GFOD2: variants seen among roughly 807,000 people sequenced by gnomAD.
GFOD2 encodes Gfo/Idh/MocA-like oxidoreductase domain containing 2.
In GFOD2, 9 loss-of-function variants were observed where a neutral mutation model predicts 24.6. That is an observed-to-expected ratio of 0.37 (90% CI 0.22 to 0.64). GFOD2 has a LOEUF of 0.64. Ranked by LOEUF, GFOD2 falls within the 30% of genes least tolerant of loss-of-function variation. The probability of loss-of-function intolerance (pLI) is 0.65; values close to 1 mark genes in which losing one functional copy is unlikely to be tolerated. For missense variants in GFOD2, 476 were observed against 532.5 expected, an observed-to-expected ratio of 0.89 and a Z score of 1.04; for synonymous variants, 211 against 224.8, an observed-to-expected ratio of 0.94 and a Z score of 0.55.
At chr16:67,715,134 C>T (rs1360613812) in intron 1 of GFOD2, among the ~76,000 whole-genome samples, 1 of 152,060 alleles carries the variant, frequency 6.6e-6, no homozygotes, top group Non-Finnish European at 1.5e-5. Flanking sequence ...TCTTGGCTTA[C>T]TGCAACCTCT....
At chr16:67,707,997 G>A (rs1253321277) in intron 1 of GFOD2, among the ~76,000 whole-genome samples, 4 of 152,096 alleles carry the variant, frequency 2.6e-5, no homozygotes, top group Admixed American at 6.6e-5. Context: ...TGGCGGTGGT[G>A]GCTGAGGCGG....
chr16:67,694,198 T>C lies in GFOD2; in HGVS notation c.-87-8396A>G, dbSNP rs1055767901. 3.9e-5 allele frequency among the ~76,000 whole-genome samples: 6 copies of C among 152,166 alleles called. No individual in the cohort carries two copies. The South Asian group carries it at 6.2e-4, about 16-fold the overall frequency. On this transcript the variant is annotated intron_variant, in intron 1 of 2. Coordinates refer to ENST00000268797, the MANE Select transcript of GFOD2 (RefSeq NM_030819.4). ...TTTTAGTAGAGACAGGGTTTCACCA[T>C]GTTCGCCAGGCTGGTCTCAAACTCC... is the stretch of plus-strand genomic sequence containing the variant.
chr16:67,706,615 A>G (rs1009307247), intron 1 of GFOD2, among the ~76,000 whole-genome samples: 30 of 152,338 alleles, frequency 2.0e-4, no homozygotes, highest in Non-Finnish European at 4.1e-4. Flanking sequence ...AGAAAAATAC[A>G]TCAGAGAGTA....
intron 1 of GFOD2, among the ~76,000 whole-genome samples, chr16:67,698,730 C>T (rs1027431731): frequency 3.9e-5 from 6 of 152,338 alleles, no homozygotes; most frequent in East Asian, 1.9e-4. Context: ...CTGCCCACCT[C>T]GGCCTCCCGA....
intron 1 of GFOD2, among the ~76,000 whole-genome samples, chr16:67,692,954 CAGGA>C (rs1263177160): frequency 6.6e-6 from 1 of 151,566 alleles, no homozygotes; most frequent in Non-Finnish European, 1.5e-5. Flanking sequence ...GGCGTGAACC[CAGGA>C]GGCAGAGCTT....
intron 1 of GFOD2, among the ~76,000 whole-genome samples, chr16:67,698,811 G>T (rs1050197519): frequency 6.6e-6 from 1 of 152,228 alleles, no homozygotes; most frequent in Non-Finnish European, 1.5e-5. Flanking sequence ...GCAGAAAGAC[G>T]TAGGTAGGAT....
chr16:67,678,358 C>T (rs1304827323), intron 2 of GFOD2, among the ~76,000 whole-genome samples: 2 of 152,070 alleles, frequency 1.3e-5, no homozygotes, highest in African/African-American at 4.8e-5. Flanking sequence ...TGCCTGTAAT[C>T]CCAGCTACTC....
At chr16:67,695,983 G>C (rs2053355669) in intron 1 of GFOD2, among the ~76,000 whole-genome samples, 1 of 151,896 alleles carries the variant, frequency 6.6e-6, no homozygotes, top group Non-Finnish European at 1.5e-5. Context: ...GGTATATATA[G>C]GGAATGTATG....
At chr16:67,678,361 AG>A (rs1427492910) in intron 2 of GFOD2, among the ~76,000 whole-genome samples, 1 of 151,986 alleles carries the variant, frequency 6.6e-6, no homozygotes, top group African/African-American at 2.4e-5. Context: ...CTGTAATCCC[AG>A]CTACTCGGGA....
intron 1 of GFOD2, among the ~76,000 whole-genome samples, chr16:67,704,745 T>C (rs907237537): frequency 1.3e-5 from 2 of 152,234 alleles, no homozygotes; most frequent in African/African-American, 4.8e-5. Context: ...TAGGCCTTAA[T>C]AAATGTTAGA....
At chr16:67,676,440 G>A in intron 2 of GFOD2, 1 of 212,772 alleles carries the variant, frequency 4.7e-6, no homozygotes, top group Non-Finnish European at 9.4e-6. Flanking sequence ...ATAAATCTCT[G>A]TCTTAAACAC....
intron 1 of GFOD2, 85 bp from the exon 2 acceptor site, chr16:67,685,887 G>A (rs1362181079): frequency 8.0e-6 from 6 of 749,422 alleles, no homozygotes; most frequent in East Asian, 2.7e-5. Flanking sequence ...ATGGAGTCTC[G>A]CTCTGTTGCC....
intron 1 of GFOD2, among the ~76,000 whole-genome samples, chr16:67,686,447 C>CA (rs1164575465): frequency 6.6e-5 from 10 of 152,192 alleles, no homozygotes; most frequent in African/African-American, 2.4e-4. Context: ...ATTCAACTTT[C>CA]AGGGCCTTAA....
intron 2 of GFOD2, chr16:67,683,601 A>T: frequency 8.1e-7 from 1 of 1,231,686 alleles, no homozygotes; most frequent in East Asian, 3.2e-5. Context: ...GAAACAAACA[A>T]TAAGGCCAAA....
intron 1 of GFOD2, among the ~76,000 whole-genome samples, chr16:67,702,067 A>G (rs1018723710): frequency 1.3e-5 from 2 of 152,146 alleles, no homozygotes; most frequent in Admixed American, 1.3e-4. Flanking sequence ...AAATAGTTCT[A>G]TGGGTATGAC....
chr16:67,693,927 AAAAC>A (rs2053336129), intron 1 of GFOD2, among the ~76,000 whole-genome samples: 1 of 151,954 alleles, frequency 6.6e-6, no homozygotes, highest in Non-Finnish European at 1.5e-5. Context: ...CTCTGTCTCA[AAAAC>A]AAAAAACAAA....
chr16:67,709,761 CATG>C (rs1313447267), intron 1 of GFOD2, among the ~76,000 whole-genome samples: 1 of 151,962 alleles, frequency 6.6e-6, no homozygotes, highest in African/African-American at 2.4e-5. Flanking sequence ...ACCACAGGCA[CATG>C]CCACCACACC....
At chr16:67,690,764 A>G (rs991367112) in intron 1 of GFOD2, among the ~76,000 whole-genome samples, 1 of 152,174 alleles carries the variant, frequency 6.6e-6, no homozygotes, top group African/African-American at 2.4e-5. Context: ...AGAGGGAAAA[A>G]TCTCTAACAC....
chr16:67,675,101 TCCTGTTCCCCTCCCTGGTCCCTCTGC>T lies in GFOD2; in HGVS notation c.*28_*53del. On this transcript the variant is annotated 3_prime_UTR_variant, in exon 3 of 3. Transcript: ENST00000268797. ...GGGCCAAGTCCCTGTCATGTCTGGC[TCCTGTTCCCCTCCCTGGTCCCTCTGC>T]CCTGTGGCAAGGAGCCCAGGTGCAG... 2 of 1,545,278 alleles carry T rather than the reference TCCTGTTCCCCTCCCTGGTCCCTCTGC, an allele frequency of 1.3e-6. No homozygotes were observed. Among genetic ancestry groups the T allele is most frequent in the Non-Finnish European group, 1.8e-6 (2 of 1,139,602 alleles).
Sources: gnomAD v4.1 joint callset for allele counts (sites outside exome capture counted in the v4.1 genomes callset) on GRCh38, gnomAD v4.1.1 for gene constraint, MANE v1.5 for transcripts, NCBI Gene and HGNC (gene_info 2026-07-23, HGNC 2026-07-21) for gene names.